The following RAB38 variants were observed in gnomAD, a reference collection of about 807,000 sequenced individuals.
RAB38 encodes the protein ras-related protein Rab-38.
RAB38 carries 15 observed loss-of-function variants against 18.4 expected under a neutral mutation model. The ratio of observed to expected loss-of-function variants is 0.82; its 90% CI spans 0.55 to 1.26. The LOEUF (loss-of-function observed/expected upper bound fraction) is 1.26, where lower values mean the gene tolerates loss of function less well. Ranked by LOEUF, RAB38 falls within the 50% of genes most tolerant of loss-of-function variation. The probability of loss-of-function intolerance (pLI) is 0.00; values close to 1 mark genes in which losing one functional copy is unlikely to be tolerated. For synonymous variants in RAB38, 101 were observed against 104.4 expected (o/e 0.97, Z 0.20); for missense variants, 294 against 267.4 (o/e 1.10, Z -0.69).
the RAB38 span, among the ~76,000 whole-genome samples, chr11:87,888,224 A>T: frequency 6.6e-6 from 1 of 151,990 alleles, no homozygotes; most frequent in Non-Finnish European, 1.5e-5. Flanking sequence ...AAGTTTATGC[A>T]CACAGAGGCA....
the RAB38 span, among the ~76,000 whole-genome samples, chr11:87,871,285 G>C: frequency 6.6e-6 from 1 of 151,508 alleles, no homozygotes; most frequent in African/African-American, 2.4e-5. Context: ...CCTCCCTACC[G>C]TCTGCCACCA....
At chr11:87,908,354 A>G in the RAB38 span, among the ~76,000 whole-genome samples, 1 of 152,046 alleles carries the variant, frequency 6.6e-6, no homozygotes, top group African/African-American at 2.4e-5. Context: ...TAATGTTATC[A>G]GGATGCCAAA....
the RAB38 span, among the ~76,000 whole-genome samples, chr11:87,875,824 T>C: frequency 6.6e-6 from 1 of 151,610 alleles, no homozygotes; most frequent in Non-Finnish European, 1.5e-5. Flanking sequence ...TGACCTTCTA[T>C]TCAACAACCT....
At chr11:87,975,550 T>A in the RAB38 span, among the ~76,000 whole-genome samples, 1 of 151,918 alleles carries the variant, frequency 6.6e-6, no homozygotes, top group Non-Finnish European at 1.5e-5. Flanking sequence ...AGACTATGTA[T>A]GTTTTTTCTT....
At chr11:87,893,371 C>CATATATATATATATGTATAT in the RAB38 span, among the ~76,000 whole-genome samples, 2,250 of 86,302 alleles carry the variant, frequency 0.026, 139 homozygotes, top group African/African-American at 0.093. Flanking sequence ...ATATATTTTA[C>CATATATATATATATGTATAT]ATATATATAT....
chr11:88,106,811 T>A, the RAB38 span, among the ~76,000 whole-genome samples: 1 of 152,160 alleles, frequency 6.6e-6, no homozygotes, highest in Admixed American at 6.6e-5. Context: ...TCTTTTCTTT[T>A]CCAATATTGG....
the RAB38 span, among the ~76,000 whole-genome samples, chr11:88,038,440 C>T: frequency 9.2e-5 from 14 of 152,212 alleles, no homozygotes; most frequent in East Asian, 1.9e-4. Context: ...TTTATCAATT[C>T]GATATTTTTT....
At chr11:88,114,728 G>A (rs1425731426) in intron 2 of RAB38, among the ~76,000 whole-genome samples, 1 of 152,222 alleles carries the variant, frequency 6.6e-6, no homozygotes, top group Non-Finnish European at 1.5e-5. Context: ...ATAAGAGCCA[G>A]TGCTCAGTTT....
the RAB38 span, among the ~76,000 whole-genome samples, chr11:87,897,661 C>T: frequency 2.6e-5 from 4 of 151,496 alleles, no homozygotes; most frequent in South Asian, 2.1e-4. Flanking sequence ...CCAGCCCATA[C>T]GAAATTGTGT....
chr11:88,172,232 T>A (rs1163705039), intron 1 of RAB38, among the ~76,000 whole-genome samples: 1 of 152,196 alleles, frequency 6.6e-6, no homozygotes, highest in Non-Finnish European at 1.5e-5. Context: ...ACAGCTGACC[T>A]TCTAGCATGG....
chr11:88,024,917 T>C, the RAB38 span, among the ~76,000 whole-genome samples: 63 of 51,744 alleles, frequency 1.2e-3, no homozygotes, highest in African/African-American at 2.3e-3. Context: ...ACAAAAAAAA[T>C]AGTTAGAAAG....
the RAB38 span, among the ~76,000 whole-genome samples, chr11:88,039,640 G>A: frequency 1.3e-5 from 2 of 152,180 alleles, no homozygotes; most frequent in Non-Finnish European, 2.9e-5. Context: ...AGGACTGAAG[G>A]GGAGTCTACC....
the RAB38 span, among the ~76,000 whole-genome samples, chr11:88,064,622 G>A: frequency 2.0e-5 from 3 of 152,216 alleles, no homozygotes; most frequent in South Asian, 6.2e-4. Context: ...GGTTGTTGAA[G>A]CAACTAGCAT....
intron 2 of RAB38, among the ~76,000 whole-genome samples, chr11:88,117,341 G>C (rs918415801): frequency 3.9e-5 from 6 of 152,192 alleles, no homozygotes; most frequent in African/African-American, 1.4e-4. Context: ...GGGCATCAGG[G>C]TGCCAGATCT....
At chr11:87,875,332 TAAGTA>T in the RAB38 span, among the ~76,000 whole-genome samples, 3 of 151,466 alleles carry the variant, frequency 2.0e-5, no homozygotes, top group South Asian at 2.1e-4. Flanking sequence ...AAATTAATTA[TAAGTA>T]AAGGTGAGAA....
chr11:88,158,232 A>T (rs1399477353), intron 1 of RAB38, among the ~76,000 whole-genome samples: 4 of 152,104 alleles, frequency 2.6e-5, no homozygotes, highest in Non-Finnish European at 5.9e-5. Flanking sequence ...TGAATCAGAA[A>T]GGAATTAAAA....
At chr11:87,930,540 C>A in the RAB38 span, among the ~76,000 whole-genome samples, 1 of 152,088 alleles carries the variant, frequency 6.6e-6, no homozygotes, top group South Asian at 2.1e-4. Context: ...ATGGTACTTT[C>A]TTTTGCTGTG....
the RAB38 span, among the ~76,000 whole-genome samples, chr11:88,105,039 T>C: frequency 6.6e-6 from 1 of 152,094 alleles, no homozygotes; most frequent in Non-Finnish European, 1.5e-5. Flanking sequence ...TTCCAGACCT[T>C]ACTTTACAGA....
chr11:87,859,593 A>C, the RAB38 span, among the ~76,000 whole-genome samples: 15 of 152,070 alleles, frequency 9.9e-5, no homozygotes, highest in Non-Finnish European at 2.1e-4. Context: ...TTATATTCCT[A>C]TCAGCATTAG....
Sources: gnomAD v4.1 joint callset for allele counts (sites outside exome capture counted in the v4.1 genomes callset) on GRCh38, gnomAD v4.1.1 for gene constraint, MANE v1.5 for transcripts, NCBI Gene and HGNC (gene_info 2026-07-23, HGNC 2026-07-21) for gene names.